BBS9: variants seen among roughly 807,000 people sequenced by gnomAD.
BBS9 encodes the protein protein PTHB1.
BBS9 carries 89 observed loss-of-function variants against 117.7 expected under a neutral mutation model. The observed-to-expected ratio is 0.76, with a 90% CI of 0.64 to 0.90. The LOEUF is 0.90. BBS9 is among the 40% of genes least tolerant of loss of function. The pLI, the probability that BBS9 is intolerant of heterozygous loss-of-function variation, is 0.00. For missense variants in BBS9, 982 were observed against 1,042.2 expected (o/e 0.94, Z 0.80); for synonymous variants, 379 against 370.9 (o/e 1.02, Z -0.25).
At chr7:33,576,359 G>A (rs546703520) in intron 21 of BBS9, among the ~76,000 whole-genome samples, 1 of 152,072 alleles carries the variant, frequency 6.6e-6, no homozygotes, top group Admixed American at 6.5e-5. Flanking sequence ...GAGATGTGAA[G>A]GACCTCTTCA....
At position 33,605,902 on chromosome 7, in the gene BBS9, A is replaced by G. The variant is rs181237130; in HGVS notation, c.*676A>G. ...ATTAACATCCCCTTTTCATTACCCC[A>G]TTGGGTGGCACCTTTTAAAAATCCA... is the stretch of plus-strand genomic sequence containing the variant. On this transcript the variant is annotated 3_prime_UTR_variant, in exon 23 of 23. Transcript: ENST00000242067. 1 of 152,438 alleles carries G rather than the reference A, an allele frequency of 6.6e-6. No homozygotes were observed. Among genetic ancestry groups the G allele is most frequent in the African/African-American group, 2.4e-5 (1 of 41,442 alleles). 9.4% of individuals were successfully genotyped at this position (152,438 alleles called of 1,614,324 possible).
intron 5 of BBS9, among the ~76,000 whole-genome samples, chr7:33,206,009 C>T (rs1263953074): frequency 6.6e-6 from 1 of 152,192 alleles, no homozygotes; most frequent in Non-Finnish European, 1.5e-5. Context: ...ACTGGCACTC[C>T]ATCCCACATT....
At chr7:33,335,561 T>C (rs1815176115) in intron 9 of BBS9, among the ~76,000 whole-genome samples, 2 of 152,212 alleles carry the variant, frequency 1.3e-5, no homozygotes, top group South Asian at 4.1e-4. Context: ...ACAGTATTCA[T>C]CTCAGCTACT....
intron 5 of BBS9, among the ~76,000 whole-genome samples, chr7:33,212,652 T>C: frequency 6.6e-6 from 1 of 152,138 alleles, no homozygotes; most frequent in South Asian, 2.1e-4. Flanking sequence ...AGGTATTTAT[T>C]GTAGTCTTTG....
At chr7:33,136,821 T>A (rs1790540546) in intron 1 of BBS9, among the ~76,000 whole-genome samples, 1 of 152,154 alleles carries the variant, frequency 6.6e-6, no homozygotes, top group South Asian at 2.1e-4. Context: ...CTCAGGGTAA[T>A]TAGATTTATA....
intron 19 of BBS9, among the ~76,000 whole-genome samples, chr7:33,502,870 A>G (rs1345858360): frequency 6.6e-6 from 1 of 152,198 alleles, no homozygotes; most frequent in Admixed American, 6.5e-5. Context: ...CCAGTGCAAA[A>G]TGAAAATGAG....
At chr7:33,523,110 T>C (rs1848903129) in intron 20 of BBS9, among the ~76,000 whole-genome samples, 1 of 147,986 alleles carries the variant, frequency 6.8e-6, no homozygotes. Flanking sequence ...GATCTATATC[T>C]CTGTTTTGGT....
intron 6 of BBS9, among the ~76,000 whole-genome samples, chr7:33,261,133 G>A (rs911973754): frequency 1.3e-5 from 2 of 150,590 alleles, no homozygotes; most frequent in East Asian, 1.9e-4. Context: ...TTCTCTGCAC[G>A]TGGAAATTAT....
At chr7:33,266,581 A>G (rs189250226) in intron 7 of BBS9, among the ~76,000 whole-genome samples, 6 of 152,260 alleles carry the variant, frequency 3.9e-5, no homozygotes, top group South Asian at 4.2e-4. Context: ...ATACATGTCA[A>G]TTAGATTATG....
chr7:33,400,552 C>T (rs1584664972), intron 19 of BBS9, among the ~76,000 whole-genome samples: 2 of 152,224 alleles, frequency 1.3e-5, no homozygotes, highest in African/African-American at 4.8e-5. Flanking sequence ...TCCCGTCCAC[C>T]TTCCTTCCCT....
rs137876298 is a variant in BBS9 at position 33,374,474 on chromosome 7, A to G, written c.1789+6612A>G. Among the ~76,000 whole-genome samples the G allele has an allele frequency of 2.1e-3, 316 of 152,322 alleles. 1 individual carries two copies. The highest frequency in any genetic ancestry group is 7.0e-3 in the African/African-American group (292 of 41,572). On this transcript the variant is annotated intron_variant, in intron 17 of 22. Transcript: ENST00000242067. ...TATTACTGTTAATATTTATTTTAAA[A>G]TTTCTTAGCAATATTATCAAGTGAC...
At chr7:33,390,332 A>G (rs1378556580) in intron 19 of BBS9, 1 of 985,308 alleles carries the variant, frequency 1.0e-6, no homozygotes, top group Non-Finnish European at 1.2e-6. Flanking sequence ...TCTTTTATAC[A>G]TTTAAAGTGC....
chr7:33,190,981 T>A (rs1784025950), intron 5 of BBS9, among the ~76,000 whole-genome samples: 1 of 152,174 alleles, frequency 6.6e-6, no homozygotes, highest in South Asian at 2.1e-4. Context: ...TAAGCTTTAT[T>A]TGCGTGGTGC....
At chr7:33,271,309 A>C (rs1285094474) in intron 7 of BBS9, among the ~76,000 whole-genome samples, 2 of 152,212 alleles carry the variant, frequency 1.3e-5, no homozygotes, top group African/African-American at 4.8e-5. Context: ...AGCCATACAA[A>C]CAAGTCTGCG....
At chr7:33,552,550 T>G (rs111399737) in intron 21 of BBS9, among the ~76,000 whole-genome samples, 2,043 of 152,294 alleles carry the variant, frequency 0.013, 41 homozygotes, top group African/African-American at 0.047. Context: ...AACTGGAAAT[T>G]GTTACTAAAA....
intron 20 of BBS9, among the ~76,000 whole-genome samples, chr7:33,527,919 C>T (rs1254132163): frequency 6.6e-6 from 1 of 152,132 alleles, no homozygotes; most frequent in Non-Finnish European, 1.5e-5. Context: ...CCTGTACTTT[C>T]CAAGATATTT....
intron 20 of BBS9, among the ~76,000 whole-genome samples, chr7:33,518,487 G>A (rs909041207): frequency 6.6e-6 from 1 of 151,904 alleles, no homozygotes; most frequent in Non-Finnish European, 1.5e-5. Context: ...TTGACCTTGT[G>A]ATCCGCCCGC....
intron 5 of BBS9, among the ~76,000 whole-genome samples, chr7:33,204,597 C>G (rs1786554330): frequency 6.6e-6 from 1 of 151,928 alleles, no homozygotes; most frequent in Non-Finnish European, 1.5e-5. Context: ...GAGAAAGGTC[C>G]TTCCTCCTAC....
intron 5 of BBS9, among the ~76,000 whole-genome samples, chr7:33,214,912 G>A (rs912449628): frequency 4.6e-4 from 70 of 152,150 alleles, no homozygotes; most frequent in African/African-American, 1.7e-3. Context: ...AACACAGCTG[G>A]GCCTGGCGCA....
Sources: gnomAD v4.1 joint callset for allele counts (sites outside exome capture counted in the v4.1 genomes callset) on GRCh38, gnomAD v4.1.1 for gene constraint, MANE v1.5 for transcripts, NCBI Gene and HGNC (gene_info 2026-07-23, HGNC 2026-07-21) for gene names.